Variants in TNRC6C observed in about 807,000 individuals in gnomAD.
The protein encoded by TNRC6C is trinucleotide repeat containing adaptor 6C.
TNRC6C carries 20 observed loss-of-function variants against 153.7 expected under a neutral mutation model. The observed-to-expected ratio is 0.13, with a 90% CI of 0.09 to 0.19. TNRC6C has a LOEUF of 0.19. Among genes scored for constraint, TNRC6C ranks in the 10% least tolerant of loss-of-function variants. The probability of loss-of-function intolerance (pLI) is 1.00; values close to 1 mark genes in which losing one functional copy is unlikely to be tolerated. For missense variants in TNRC6C, 1,987 were observed against 2,172.0 expected (o/e 0.91, Z 1.69); for synonymous variants, 811 against 841.4 (o/e 0.96, Z 0.63).
intron 1 of TNRC6C, among the ~76,000 whole-genome samples, chr17:78,007,205 T>A (rs778452405): frequency 6.6e-6 from 1 of 152,210 alleles, no homozygotes; most frequent in African/African-American, 2.4e-5. Context: ...TCTCCTTCTA[T>A]ATCCTCTAAA....
chr17:77,963,688 C>T (rs527746257), intron 1 of TNRC6C, among the ~76,000 whole-genome samples: 49 of 152,296 alleles, frequency 3.2e-4, no homozygotes, highest in African/African-American at 8.2e-4. Flanking sequence ...CTCTCCTGAG[C>T]CCTCTGTGGC....
exon 20 of TNRC6C, chr17:78,106,637 A>C (rs1369016356): frequency 1.3e-5 from 2 of 152,050 alleles, no homozygotes; most frequent in Non-Finnish European, 2.9e-5. Context: ...ATATTTACCA[A>C]ATAATGGACT....
intron 12 of TNRC6C, 107 bp downstream of exon 14, chr17:78,086,693 C>T: frequency 1.3e-6 from 2 of 1,556,470 alleles, no homozygotes; most frequent in Non-Finnish European, 1.8e-6. Context: ...TCTAGCCAAG[C>T]CTTCCTTTGA....
At chr17:78,058,200 C>T (rs2072697278) in intron 3 of TNRC6C, among the ~76,000 whole-genome samples, 1 of 152,118 alleles carries the variant, frequency 6.6e-6, no homozygotes, top group Non-Finnish European at 1.5e-5. Flanking sequence ...GCTATTAAGT[C>T]GTCATAAAAT....
rs199858938 is a variant in TNRC6C, at chr17:78,094,440, C to CTT, written c.4306+692_4306+693dup. Among the ~76,000 whole-genome samples the CTT allele has an allele frequency of 4.6e-4, 63 of 136,934 alleles. 1 individual carries two copies. Among genetic ancestry groups the CTT allele is most frequent in the South Asian group, 2.4e-3 (10 of 4,232 alleles). 89.8% of individuals were successfully genotyped at this position (136,934 alleles called of 152,430 possible). On this transcript the variant is annotated intron_variant, in intron 16 of 19. Transcript: ENST00000301624. ...TGTTTTGTGTTTGCTTCTTTTGTTT[C>CTT]TTTTTTTTTTTTTTTTGAGACAGAT...
At chr17:78,060,637 G>T (rs1021326562) in intron 3 of TNRC6C, among the ~76,000 whole-genome samples, 1 of 151,750 alleles carries the variant, frequency 6.6e-6, no homozygotes, top group African/African-American at 2.4e-5. Flanking sequence ...CACCATGTTG[G>T]CTAGGCTGGT....
intron 1 of TNRC6C, among the ~76,000 whole-genome samples, chr17:77,985,649 G>A (rs1274626554): frequency 1.3e-5 from 2 of 150,564 alleles, no homozygotes; most frequent in African/African-American, 4.9e-5. Context: ...CTCATACTTT[G>A]AACTTCTGAC....
chr17:78,093,498 C>A (rs1292979657), intron 15 of TNRC6C, 122 bp from the exon 18 acceptor site: 4 of 1,204,634 alleles, frequency 3.3e-6, no homozygotes, highest in Non-Finnish European at 4.6e-6. Flanking sequence ...ATAAGGTGTA[C>A]CTCTAATTTA....
intron 1 of TNRC6C, among the ~76,000 whole-genome samples, chr17:78,027,971 T>C (rs562319115): frequency 5.6e-4 from 85 of 150,680 alleles, no homozygotes; most frequent in Non-Finnish European, 9.8e-4. Flanking sequence ...TCTCCGCTCA[T>C]TGCAAGCTCC....
exon 20 of TNRC6C, chr17:78,106,104 G>C (rs766415159): frequency 6.6e-6 from 1 of 151,558 alleles, no homozygotes; most frequent in African/African-American, 2.4e-5. Flanking sequence ...TACTTGTAAA[G>C]AATGGATGGT....
chr17:77,993,942 C>T (rs1482854254), intron 1 of TNRC6C, among the ~76,000 whole-genome samples: 2 of 151,918 alleles, frequency 1.3e-5, no homozygotes, highest in South Asian at 2.1e-4. Context: ...CCTGAAATTC[C>T]AGCACTGTAG....
chr17:77,961,020 A>C (rs1397624107), intron 1 of TNRC6C, among the ~76,000 whole-genome samples: 2 of 152,180 alleles, frequency 1.3e-5, no homozygotes, highest in African/African-American at 4.8e-5. Context: ...TGAGAAATTG[A>C]TAGCTCAGAA....
chr17:78,059,465 C>G (rs1325976824), intron 3 of TNRC6C, among the ~76,000 whole-genome samples: 1 of 152,116 alleles, frequency 6.6e-6, no homozygotes, highest in Non-Finnish European at 1.5e-5. Context: ...AGTGCAAGTC[C>G]GTGGCGTGAG....
exon 20 of TNRC6C, chr17:78,106,940 G>A (rs774707331): frequency 8.0e-5 from 12 of 149,742 alleles, no homozygotes; most frequent in Non-Finnish European, 1.5e-5. Flanking sequence ...TGGTTTTATA[G>A]AGGATCATGA....
chr17:77,987,066 A>G (rs910599702), intron 1 of TNRC6C, among the ~76,000 whole-genome samples: 2 of 152,230 alleles, frequency 1.3e-5, no homozygotes, highest in Non-Finnish European at 2.9e-5. Flanking sequence ...TGCCAAAAAC[A>G]AAAGGCAGAC....
intron 6 of TNRC6C, among the ~76,000 whole-genome samples, chr17:78,072,125 C>T (rs1217943858): frequency 3.3e-5 from 5 of 152,246 alleles, no homozygotes; most frequent in Admixed American, 1.3e-4. Context: ...GGAACCCCAT[C>T]CTTCACACTG....
intron 1 of TNRC6C, among the ~76,000 whole-genome samples, chr17:78,030,537 T>C (rs66851133): frequency 0.019 from 2,896 of 152,232 alleles, 30 homozygotes; most frequent in Middle Eastern, 0.041. Flanking sequence ...CGATAGGAAT[T>C]TTTCAATTCC....
chr17:78,071,914 G>A (rs1217691614), intron 6 of TNRC6C, among the ~76,000 whole-genome samples: 1 of 152,158 alleles, frequency 6.6e-6, no homozygotes, highest in Admixed American at 6.5e-5. Context: ...CATAATTGTA[G>A]GGCGTTCCCC....
exon 7 of TNRC6C, chr17:78,073,089 C>A: frequency 6.4e-7 from 1 of 1,555,382 alleles, no homozygotes; most frequent in Non-Finnish European, 8.7e-7. Flanking sequence ...CTTGATCAGG[C>A]CATGAGTAAG....
Sources: gnomAD v4.1 joint callset for allele counts (sites outside exome capture counted in the v4.1 genomes callset) on GRCh38, gnomAD v4.1.1 for gene constraint, MANE v1.5 for transcripts, NCBI Gene and HGNC (gene_info 2026-07-23, HGNC 2026-07-21) for gene names.